The following GPBP1 variants were observed in gnomAD, a reference collection of about 807,000 sequenced individuals.
GPBP1 encodes the protein vasculin.
In GPBP1, 13 loss-of-function variants were observed where a neutral mutation model predicts 56.5. That is an observed-to-expected ratio of 0.23 (90% CI 0.15 to 0.37). The LOEUF (loss-of-function observed/expected upper bound fraction) is 0.37. Among genes scored for constraint, GPBP1 ranks in the 10% least tolerant of loss-of-function variants. GPBP1 has a pLI of 1.00. For synonymous variants in GPBP1, 204 were observed against 188.9 expected, an observed-to-expected ratio of 1.08 and a Z score of -0.66; for missense variants, 477 against 572.3, an observed-to-expected ratio of 0.83 and a Z score of 1.70.
rs1754911618 is a variant in GPBP1, at chr5:57,199,621, T to C, written c.-57-14453T>C. ...CAGGTTTGTTACATATGTATACATG[T>C]GCCACGTTGGTGTGCTGCACCCATT... On this transcript the variant is annotated intron_variant, in intron 2 of 11. Transcript: ENST00000506184. 3.9e-5 allele frequency among the ~76,000 whole-genome samples: 6 copies of C among 152,196 alleles called. 1 individual carries two copies. The highest frequency in any genetic ancestry group is 3.9e-4 in the Admixed American group (6 of 15,274).
rs1376208207 is a variant in GPBP1, at chr5:57,246,283, A to G, written c.479-17A>G. ...TTGAAATTGTGAGTGACTCTTGGTC[A>G]TGCTTTATTTATGCAGAATATCCTC... is the stretch of plus-strand genomic sequence containing the variant. On this transcript the variant is annotated splice_polypyrimidine_tract_variant and intron_variant, in intron 6 of 11. Coordinates refer to ENST00000506184, the MANE Select transcript of GPBP1 (RefSeq NM_022913.4). 6.3e-7 allele frequency: 1 copy of G among 1,593,812 alleles called. No homozygotes were observed.
At chr5:57,235,082 G>T (rs1204888231) in intron 5 of GPBP1, among the ~76,000 whole-genome samples, 1 of 152,150 alleles carries the variant, frequency 6.6e-6, no homozygotes, top group African/African-American at 2.4e-5. Context: ...AGAGGCAGGT[G>T]GATCACTTGA....
intron 2 of GPBP1, among the ~76,000 whole-genome samples, chr5:57,203,773 A>G (rs1178516891): frequency 6.6e-6 from 1 of 152,242 alleles, no homozygotes; most frequent in Non-Finnish European, 1.5e-5. Context: ...GGACTTTCTA[A>G]TAACCTAGAT....
chr5:57,256,411 CTT>C (rs985508825), intron 10 of GPBP1, among the ~76,000 whole-genome samples: 17 of 151,694 alleles, frequency 1.1e-4, no homozygotes, highest in African/African-American at 3.6e-4. Flanking sequence ...TTTTTTGAGA[CTT>C]TATAGATTAC....
chr5:57,255,292 A>G (rs1413843988), intron 10 of GPBP1, among the ~76,000 whole-genome samples: 26 of 151,150 alleles, frequency 1.7e-4, no homozygotes, highest in Non-Finnish European at 1.5e-5. Context: ...TAATGCTGTT[A>G]TCAGCATCCT....
At chr5:57,193,045 G>A (rs188011107) in intron 2 of GPBP1, among the ~76,000 whole-genome samples, 5 of 152,276 alleles carry the variant, frequency 3.3e-5, no homozygotes, top group Admixed American at 6.5e-5. Context: ...GGCCGGGCAC[G>A]GTGACTCATG....
At chr5:57,197,248 T>C (rs1754805643) in intron 2 of GPBP1, among the ~76,000 whole-genome samples, 1 of 152,032 alleles carries the variant, frequency 6.6e-6, no homozygotes, top group Non-Finnish European at 1.5e-5. Flanking sequence ...CACATTGTCC[T>C]CCTCCATTTG....
intron 3 of GPBP1, among the ~76,000 whole-genome samples, chr5:57,224,668 G>T (rs2111820489): frequency 6.6e-6 from 1 of 152,080 alleles, no homozygotes; most frequent in Non-Finnish European, 1.5e-5. Flanking sequence ...TGAACTCCTG[G>T]CCTCCCAAAG....
At chr5:57,218,810 T>TA (rs1174951331) in intron 3 of GPBP1, among the ~76,000 whole-genome samples, 1 of 152,220 alleles carries the variant, frequency 6.6e-6, no homozygotes, top group Non-Finnish European at 1.5e-5. Context: ...CATAAGGACT[T>TA]ACCAGGTCCT....
chr5:57,193,613 C>CA (rs1194542329), intron 2 of GPBP1, among the ~76,000 whole-genome samples: 10,765 of 60,482 alleles, frequency 0.18, 1,313 homozygotes, highest in East Asian at 0.53. Context: ...GACCCTGTCT[C>CA]AAAAAAAAAA....
chr5:57,255,249 TCTTTC>T (rs1448548005), intron 10 of GPBP1, among the ~76,000 whole-genome samples: 1 of 152,156 alleles, frequency 6.6e-6, no homozygotes, highest in East Asian at 1.9e-4. Context: ...CCTCTTCCTC[TCTTTC>T]CTTTCCTCTT....
chr5:57,262,914 G>A lies in GPBP1; in HGVS notation c.*162G>A. ...TGAAGAAAACCAAGAATGTTTTGTT[G>A]GGCTGTGTTGAACATTATTTCTTTG... On this transcript the variant is annotated 3_prime_UTR_variant, in exon 12 of 12. Transcript: ENST00000506184. 1 of 586,402 alleles carries A rather than the reference G, an allele frequency of 1.7e-6. No individual in the cohort carries two copies. The highest frequency in any genetic ancestry group is 3.0e-6 in the Non-Finnish European group (1 of 338,016). The allele number at this position is 586,402 out of a possible 1,614,324, so 36.3% of individuals were successfully genotyped here.
At chr5:57,186,583 G>T (rs1488728112) in intron 2 of GPBP1, among the ~76,000 whole-genome samples, 5 of 151,888 alleles carry the variant, frequency 3.3e-5, no homozygotes, top group African/African-American at 1.2e-4. Flanking sequence ...TTTTTGGGGG[G>T]TGGGGTACAC....
At chr5:57,250,067 C>T (rs1169161531) in intron 9 of GPBP1, among the ~76,000 whole-genome samples, 1 of 137,924 alleles carries the variant, frequency 7.3e-6, no homozygotes, top group Non-Finnish European at 1.6e-5. Flanking sequence ...ACTCCACTTC[C>T]CAGGTTCAAG....
At chr5:57,259,027 T>C (rs1318477265) in intron 10 of GPBP1, among the ~76,000 whole-genome samples, 1 of 152,194 alleles carries the variant, frequency 6.6e-6, no homozygotes, top group Non-Finnish European at 1.5e-5. Context: ...CATTGAATGG[T>C]AAAAGTGAAT....
rs200140806 is a variant in GPBP1 at position 57,262,853 on chromosome 5, C to A, written c.*101C>A. ...GAACTATAATTTATGTAGTGAAATA[C>A]CCCATTAGAAGAGGATTTTTTGGGG... On this transcript the variant is annotated 3_prime_UTR_variant, in exon 12 of 12. Transcript: ENST00000506184. 9.2e-7 allele frequency: 1 copy of A among 1,082,450 alleles called. No homozygotes were observed. 67.1% of individuals were successfully genotyped at this position (1,082,450 alleles called of 1,614,324 possible). A position where few individuals can be genotyped will look rare whatever the true frequency, so the allele number is the denominator to read the frequency against.
chr5:57,199,369 C>T (rs1281114467), intron 2 of GPBP1, among the ~76,000 whole-genome samples: 1 of 151,898 alleles, frequency 6.6e-6, no homozygotes, highest in Non-Finnish European at 1.5e-5. Context: ...TAGGGATGGG[C>T]GGAACCTGAT....
At chr5:57,200,314 A>T (rs906389010) in intron 2 of GPBP1, among the ~76,000 whole-genome samples, 4 of 152,012 alleles carry the variant, frequency 2.6e-5, no homozygotes, top group African/African-American at 7.2e-5. Flanking sequence ...AATTAAAACA[A>T]AACATAAAGC....
chr5:57,257,352 G>T (rs1741711167), intron 10 of GPBP1, among the ~76,000 whole-genome samples: 1 of 152,018 alleles, frequency 6.6e-6, no homozygotes, highest in Non-Finnish European at 1.5e-5. Flanking sequence ...GGTTTTTTAA[G>T]GATAATGCTT....
Sources: allele counts gnomAD v4.1 joint callset (sites outside exome capture counted in the v4.1 genomes callset), GRCh38; gene constraint gnomAD v4.1.1; transcripts MANE v1.5; gene names NCBI Gene and HGNC (gene_info 2026-07-23, HGNC 2026-07-21).